CFHR4: variants seen among roughly 807,000 people sequenced by gnomAD.
CFHR4 encodes complement factor H related 4, also known as complement factor H-related protein 4.
In CFHR4, 64 loss-of-function variants were observed where a neutral mutation model predicts 69.3. The ratio of observed to expected loss-of-function variants is 0.92; its 90% CI spans 0.76 to 1.14. CFHR4 has a LOEUF of 1.14. Among genes scored for constraint, CFHR4 ranks in the 50% most tolerant of loss-of-function variants. The probability of loss-of-function intolerance (pLI) is 0.00; values close to 1 mark genes in which losing one functional copy is unlikely to be tolerated. For synonymous variants in CFHR4, 244 were observed against 237.0 expected (o/e 1.03, Z -0.27); for missense variants, 636 against 684.9 (o/e 0.93, Z 0.80).
intron 1 of CFHR4, among the ~76,000 whole-genome samples, chr1:196,899,885 C>T (rs1022300482): frequency 6.6e-6 from 1 of 151,484 alleles, no homozygotes; most frequent in East Asian, 1.9e-4. Flanking sequence ...TTATCAGATA[C>T]AGCATTTTAT....
At chr1:196,892,126 C>T (rs570411743) in intron 1 of CFHR4, among the ~76,000 whole-genome samples, 2 of 151,556 alleles carry the variant, frequency 1.3e-5, no homozygotes, top group South Asian at 2.1e-4. Flanking sequence ...TTTAAATTAA[C>T]GCTGATAAAA....
chr1:196,913,051 T>C lies in CFHR4; in HGVS notation c.1180+129T>C, dbSNP rs535287179. On this transcript the variant is annotated intron_variant, in intron 7 of 9. Coordinates refer to ENST00000608469, the MANE Select transcript of CFHR4 (RefSeq NM_001201550.3). Reference sequence around the variant, plus strand: ...GAGATACAAATACTTCTAAAACCATTCAACATTCTGTGCCAAATTAAGTCT... The same window carrying C: ...GAGATACAAATACTTCTAAAACCATCCAACATTCTGTGCCAAATTAAGTCT... 7,630 of 1,486,506 alleles carry C rather than the reference T, an allele frequency of 5.1e-3. 49 individuals are homozygous for C. Among genetic ancestry groups the C allele is most frequent in the Non-Finnish European group, 6.5e-3 (7,165 of 1,100,432 alleles). The allele number at this position is 1,486,506 out of a possible 1,614,324, so 92.1% of individuals were successfully genotyped here.
intron 1 of CFHR4, among the ~76,000 whole-genome samples, chr1:196,900,872 T>C (rs1354190485): frequency 6.6e-6 from 1 of 151,312 alleles, no homozygotes; most frequent in African/African-American, 2.4e-5. Context: ...CTATCAACAA[T>C]GAGAGATATG....
intron 6 of CFHR4, among the ~76,000 whole-genome samples, chr1:196,912,500 T>C (rs562351606): frequency 6.6e-6 from 1 of 151,428 alleles, no homozygotes; most frequent in Admixed American, 6.6e-5. Context: ...CAGAGCTCTG[T>C]TGACAGTCTC....
intron 9 of CFHR4, among the ~76,000 whole-genome samples, 192 bp from the exon 10 acceptor site, chr1:196,918,018 C>A (rs535805950): frequency 6.6e-6 from 1 of 151,604 alleles, no homozygotes; most frequent in Non-Finnish European, 1.5e-5. Context: ...TCTGCTGTGA[C>A]GTTGGGGAAG....
chr1:196,891,550 A>G (rs1170049640), intron 1 of CFHR4, among the ~76,000 whole-genome samples: 1 of 151,478 alleles, frequency 6.6e-6, no homozygotes, highest in African/African-American at 2.4e-5. Flanking sequence ...CTTCTCATCT[A>G]CACACTAAAG....
chr1:196,907,643 A>T, intron 5 of CFHR4, 145 bp downstream of exon 5: 1 of 676,900 alleles, frequency 1.5e-6, no homozygotes, highest in Non-Finnish European at 2.4e-6. Flanking sequence ...TCAGATCTTA[A>T]TATATAAGTG....
rs188019700 is a variant in CFHR4 at position 196,913,798 on chromosome 1, A to G, written c.1181-697A>G. On this transcript the variant is annotated intron_variant, in intron 7 of 9. Transcript: ENST00000608469. ...AACCTTGATACATAATACAACATGG[A>G]TGACTCTCAAAAATACTAGGCTAAG... 2.2e-3 allele frequency among the ~76,000 whole-genome samples: 337 copies of G among 151,566 alleles called. 16 individuals carry two copies. The highest frequency in any genetic ancestry group is 7.9e-3 in the African/African-American group (324 of 41,192).
At chr1:196,915,784 G>A (rs555981534) in intron 9 of CFHR4, among the ~76,000 whole-genome samples, 10 of 151,562 alleles carry the variant, frequency 6.6e-5, no homozygotes, top group South Asian at 2.1e-4. Flanking sequence ...CATTTATTGC[G>A]CACATATGAA....
intron 5 of CFHR4, among the ~76,000 whole-genome samples, chr1:196,909,319 G>A (rs1002590922): frequency 4.6e-5 from 7 of 151,378 alleles, no homozygotes; most frequent in Non-Finnish European, 8.8e-5. Flanking sequence ...TTCAAGCAGG[G>A]AATTCTAGGG....
chr1:196,910,354 T>C lies in CFHR4; in HGVS notation c.873T>C (p.Phe291=). The C allele has an allele frequency of 6.2e-7, 1 of 1,612,034 alleles. No individual in the cohort carries two copies. Among genetic ancestry groups the C allele is most frequent in the South Asian group, 1.1e-5 (1 of 91,028 alleles). ...LYYENTRRPY[F]PVATGQSYSY... ...ATGAGAATACGCGTAGACCATACTT[T>C]CCAGTAGCTACAGGACAATCTTACT... The change falls in exon 6 of 10, where the codon TTT becomes TTC. Residue 291 remains phenylalanine, a synonymous_variant. Coordinates refer to ENST00000608469, the MANE Select transcript of CFHR4 (RefSeq NM_001201550.3).
chr1:196,913,272 C>CTTGTA (rs1658382216), intron 7 of CFHR4, among the ~76,000 whole-genome samples: 1 of 151,488 alleles, frequency 6.6e-6, no homozygotes, highest in African/African-American at 2.4e-5. Context: ...TTATCAACTG[C>CTTGTA]TTGTATTGCA....
chr1:196,903,355 A>G (rs1657724067), intron 2 of CFHR4, among the ~76,000 whole-genome samples: 1 of 151,290 alleles, frequency 6.6e-6, no homozygotes, highest in South Asian at 2.1e-4. Flanking sequence ...AAGCAGCAAT[A>G]GAAATATAAG....
intron 1 of CFHR4, among the ~76,000 whole-genome samples, chr1:196,898,187 C>T (rs372433951): frequency 6.6e-6 from 1 of 151,098 alleles, no homozygotes. Context: ...CCTGAAAAGA[C>T]AAAACACAGA....
chr1:196,914,615 C>T lies in CFHR4; in HGVS notation c.1301C>T (p.Thr434Ile), dbSNP rs763585687. 3 of 1,611,440 alleles carry T rather than the reference C, an allele frequency of 1.9e-6. No individual in the cohort carries two copies. The highest frequency in any genetic ancestry group is 4.5e-5 in the East Asian group (2 of 44,736). ...GGATATGAAATCAGTTATGGAAACA[C>T]CACAGGTTCCATAGTGTGTGGTGAA... is the stretch of plus-strand genomic sequence containing the variant. ...YDGYEISYGN[T>I]TGSIVCGEDG... The change falls in exon 8 of 10, where the codon ACC becomes ATC. Residue 434 changes from threonine to isoleucine, a missense_variant. Transcript: ENST00000608469.
intron 1 of CFHR4, among the ~76,000 whole-genome samples, chr1:196,893,090 A>G (rs1358706772): frequency 6.6e-6 from 1 of 151,694 alleles, no homozygotes; most frequent in Non-Finnish European, 1.5e-5. Context: ...ACCAAATAGC[A>G]TATCTGTAAT....
intron 2 of CFHR4, 121 bp downstream of exon 2, chr1:196,902,736 A>C (rs1460654033): frequency 1.5e-6 from 1 of 688,156 alleles, no homozygotes; most frequent in Non-Finnish European, 2.4e-6. Context: ...TTGTTCAAGC[A>C]AAAAGACCAA....
intron 7 of CFHR4, among the ~76,000 whole-genome samples, chr1:196,913,996 A>T (rs1658430651): frequency 6.6e-6 from 1 of 151,560 alleles, no homozygotes; most frequent in South Asian, 2.1e-4. Context: ...TTGATAAATG[A>T]TCTACTTTAA....
intron 1 of CFHR4, among the ~76,000 whole-genome samples, chr1:196,896,389 T>C (rs1188510050): frequency 3.3e-5 from 5 of 151,592 alleles, no homozygotes; most frequent in African/African-American, 7.3e-5. Flanking sequence ...TGGAATATCC[T>C]AGTGTATCTC....
Sources: gnomAD v4.1 joint callset for allele counts (sites outside exome capture counted in the v4.1 genomes callset) on GRCh38, gnomAD v4.1.1 for gene constraint, MANE v1.5 for transcripts, NCBI Gene and HGNC (gene_info 2026-07-23, HGNC 2026-07-21) for gene names.